The following GRIA3 variants were observed in gnomAD, a reference collection of about 807,000 sequenced individuals.
The protein encoded by GRIA3 is glutamate ionotropic receptor AMPA type subunit 3, also known as glutamate receptor 3.
Under a neutral mutation model 63.0 loss-of-function variants are expected in GRIA3, and 3 were observed. The observed-to-expected ratio is 0.05, with a 90% confidence interval of 0.02 to 0.12. The LOEUF (loss-of-function observed/expected upper bound fraction) is 0.12. Ranked by LOEUF, GRIA3 falls within the 10% of genes least tolerant of loss-of-function variation. The probability of loss-of-function intolerance (pLI) is 1.00; values close to 1 mark genes in which losing one functional copy is unlikely to be tolerated. For synonymous variants in GRIA3, 274 were observed against 257.9 expected (o/e 1.06, Z -0.60); for missense variants, 347 against 700.9 (o/e 0.50, Z 5.70).
At position 123,489,356 on chromosome X, in the gene GRIA3, T is replaced by G. The variant is rs1352784182; in HGVS notation, c.*646T>G. On this transcript the variant is annotated 3_prime_UTR_variant, in exon 16 of 16. Transcript: ENST00000620443. The stretch of plus-strand genomic sequence containing the variant: ...ATGTAAATGCAACACTTAAGAAAAT[T>G]CAAACACTTTGGAAAAGGGACTAAA... 2.7e-5 allele frequency: 3 copies of G among 112,576 alleles called. No homozygotes were observed. The highest frequency in any genetic ancestry group is 5.6e-5 in the Non-Finnish European group (3 of 53,312). 9.3% of individuals were successfully genotyped at this position (112,576 alleles called of 1,213,427 possible).
Position 123,373,804 on chromosome X carries a change from T to C in GRIA3, c.750+18841T>C, listed in dbSNP as rs1301665236. On this transcript the variant is annotated intron_variant, in intron 5 of 15. Transcript: ENST00000620443. Reference sequence around the variant, plus strand: ...CAAAAATTTTCTCCCATTCTGTAGGTTGCCTGTTCACTCTGATGGTAGTTT... The same window carrying C: ...CAAAAATTTTCTCCCATTCTGTAGGCTGCCTGTTCACTCTGATGGTAGTTT... Among the ~76,000 whole-genome samples the C allele has an allele frequency of 5.4e-5, 6 of 111,870 alleles. No individual in the cohort carries two copies. In the East Asian group the frequency reaches 1.7e-3, roughly 31 times the overall value.
chrX:123,282,163 G>A (rs2044589838), intron 3 of GRIA3, among the ~76,000 whole-genome samples: 1 of 112,422 alleles, frequency 8.9e-6, no homozygotes, highest in South Asian at 3.7e-4. Flanking sequence ...AACACAATTT[G>A]AGAGTCACTA....
intron 5 of GRIA3, among the ~76,000 whole-genome samples, chrX:123,377,513 C>T (rs1278351418): frequency 8.9e-6 from 1 of 112,122 alleles, no homozygotes; most frequent in Non-Finnish European, 1.9e-5. Flanking sequence ...CTCCTATTCC[C>T]ACATGGATTT....
At position 123,337,620 on chromosome X, in the gene GRIA3, A is replaced by G. The variant is rs2044982823; in HGVS notation, c.696+11407A>G. Among the ~76,000 whole-genome samples the G allele has an allele frequency of 2.7e-5, 3 of 111,833 alleles. No homozygotes were observed. The South Asian group carries it at 1.1e-3, about 42-fold the overall frequency. On this transcript the variant is annotated intron_variant, in intron 4 of 15. Transcript: ENST00000620443. Reference sequence around the variant, plus strand: ...GTAAATAAGAGAAAAACCAAAATAGAGTGTGACCTCAGTAATACTCTGTCT... The same window carrying G: ...GTAAATAAGAGAAAAACCAAAATAGGGTGTGACCTCAGTAATACTCTGTCT...
chrX:123,468,075 G>C (rs1021971266), intron 13 of GRIA3, among the ~76,000 whole-genome samples: 1 of 112,164 alleles, frequency 8.9e-6, no homozygotes, highest in African/African-American at 3.2e-5. Context: ...CCTACAGCCA[G>C]TCTTTTGAAA....
intron 2 of GRIA3, among the ~76,000 whole-genome samples, chrX:123,225,330 G>T (rs1427339899): frequency 8.9e-6 from 1 of 112,190 alleles, no homozygotes; most frequent in Non-Finnish European, 1.9e-5. Context: ...ATATGGTCTT[G>T]CACGGAGCGA....
intron 3 of GRIA3, among the ~76,000 whole-genome samples, chrX:123,314,243 A>T (rs2044817111): frequency 8.9e-6 from 1 of 112,403 alleles, no homozygotes; most frequent in African/African-American, 3.2e-5. Context: ...ATGTCATGTA[A>T]GAAACCCTAT....
Position 123,245,860 on chromosome X carries a change from A to G in GRIA3, c.269-7443A>G, listed in dbSNP as rs928576039. 3.6e-5 allele frequency among the ~76,000 whole-genome samples: 4 copies of G among 111,896 alleles called. No homozygotes were observed. The East Asian group carries it at 1.1e-3, about 31-fold the overall frequency. On this transcript the variant is annotated intron_variant, in intron 2 of 15. Coordinates refer to ENST00000620443, the MANE Select transcript of GRIA3 (RefSeq NM_007325.5). ...TAGAATGATAGTTGATGGAGGTGGCAGGGATTTAGGAGGAAATGGAATCTT... is the reference window on the plus strand; with the variant it reads ...TAGAATGATAGTTGATGGAGGTGGCGGGGATTTAGGAGGAAATGGAATCTT...
chrX:123,358,686 T>G (rs2147352377), intron 5 of GRIA3: 1 of 112,049 alleles, frequency 8.9e-6, no homozygotes, highest in South Asian at 3.8e-4. Context: ...CTGTAATTAA[T>G]TGTTGTTTTA....
At chrX:123,295,461 C>T (rs942177314) in intron 3 of GRIA3, among the ~76,000 whole-genome samples, 1 of 111,095 alleles carries the variant, frequency 9.0e-6, no homozygotes, top group Non-Finnish European at 1.9e-5. Flanking sequence ...CACATTTGAG[C>T]CCCCAGAATC....
intron 2 of GRIA3, among the ~76,000 whole-genome samples, chrX:123,207,214 T>C (rs1316609576): frequency 8.9e-6 from 1 of 111,844 alleles, no homozygotes; most frequent in East Asian, 2.8e-4. Context: ...TTTCAACTGA[T>C]TGCAGAAGAC....
chrX:123,298,919 G>A (rs188569885), intron 3 of GRIA3, among the ~76,000 whole-genome samples: 2 of 110,764 alleles, frequency 1.8e-5, no homozygotes, highest in African/African-American at 6.6e-5. Flanking sequence ...ATGGTGTAAG[G>A]AGTCCAGTTT....
chrX:123,321,398 T>C (rs1250073661), intron 3 of GRIA3, among the ~76,000 whole-genome samples: 3 of 112,074 alleles, frequency 2.7e-5, no homozygotes, highest in South Asian at 3.7e-4. Flanking sequence ...GAAGTACAAA[T>C]GCTGTGGCTC....
intron 2 of GRIA3, among the ~76,000 whole-genome samples, chrX:123,211,396 A>G (rs753803749): frequency 1.5e-3 from 170 of 111,710 alleles, no homozygotes; most frequent in Middle Eastern, 4.2e-3. Context: ...AAGGGTATAC[A>G]ATAAATATAT....
chrX:123,419,307 G>A (rs2045551772), intron 11 of GRIA3, among the ~76,000 whole-genome samples: 1 of 109,994 alleles, frequency 9.1e-6, no homozygotes, highest in Non-Finnish European at 1.9e-5. Context: ...TACATGAGAG[G>A]CTGAGGCAGC....
chrX:123,332,337 T>C (rs74681654), intron 4 of GRIA3, among the ~76,000 whole-genome samples: 1 of 112,018 alleles, frequency 8.9e-6, no homozygotes, highest in African/African-American at 3.2e-5. Flanking sequence ...TATATATGTA[T>C]TGAATGCTTA....
chrX:123,482,743 A>ATG, intron 14 of GRIA3, 56 bp from the exon 15 acceptor site: 1 of 1,162,281 alleles, frequency 8.6e-7, no homozygotes, highest in South Asian at 1.8e-5. Flanking sequence ...ATATATTATA[A>ATG]TGTTCCATTG....
intron 2 of GRIA3, among the ~76,000 whole-genome samples, chrX:123,198,474 T>A (rs1927632863): frequency 8.9e-6 from 1 of 112,256 alleles, no homozygotes; most frequent in Admixed American, 9.4e-5. Flanking sequence ...TGGTAAGGAA[T>A]AGAATTAGTC....
At chrX:123,232,867 CT>C (rs2044283110) in intron 2 of GRIA3, among the ~76,000 whole-genome samples, 1 of 110,707 alleles carries the variant, frequency 9.0e-6, no homozygotes, top group Admixed American at 9.6e-5. Flanking sequence ...GGGTTCTATT[CT>C]TGGCATTTTG....
Sources: allele counts gnomAD v4.1 joint callset (sites outside exome capture counted in the v4.1 genomes callset), GRCh38; gene constraint gnomAD v4.1.1; transcripts MANE v1.5; gene names NCBI Gene and HGNC (gene_info 2026-07-23, HGNC 2026-07-21).